The following CSMD3 variants were observed in gnomAD, a reference collection of about 807,000 sequenced individuals.
CSMD3 encodes the protein CUB and sushi domain-containing protein 3.
A neutral mutation model predicts 435.2 loss-of-function variants in CSMD3; 177 were observed. The ratio of observed to expected loss-of-function variants is 0.41; its 90% CI spans 0.36 to 0.46. The LOEUF (loss-of-function observed/expected upper bound fraction) is 0.46. Ranked by LOEUF, CSMD3 falls within the 20% of genes least tolerant of loss-of-function variation. CSMD3 has a pLI of 0.34. For synonymous variants in CSMD3, 1,656 were observed against 1,520.5 expected (o/e 1.09, Z -2.07); for missense variants, 4,265 against 4,504.6 (o/e 0.95, Z 1.52).
At chr8:112,828,777 T>G (rs978725183) in intron 12 of CSMD3, among the ~76,000 whole-genome samples, 1 of 152,118 alleles carries the variant, frequency 6.6e-6, no homozygotes, top group Non-Finnish European at 1.5e-5. Flanking sequence ...CCAAATCATG[T>G]TGATCAATGA....
chr8:113,297,860 C>A (rs1293489643), intron 2 of CSMD3, among the ~76,000 whole-genome samples: 1 of 152,072 alleles, frequency 6.6e-6, no homozygotes, highest in Non-Finnish European at 1.5e-5. Flanking sequence ...ATGCACCTGA[C>A]TGACACATTT....
At position 112,891,305 on chromosome 8, in the gene CSMD3, C is replaced by G. The variant is rs953063948; in HGVS notation, c.1633+30322G>C. ...CAAGTGATAACTCTGCACATTCAAT[C>G]TTGAGCAGCACTGCACTCTGCCATA... is the stretch of plus-strand genomic sequence containing the variant. On this transcript the variant is annotated intron_variant, in intron 10 of 70. Transcript: ENST00000297405. Among the ~76,000 whole-genome samples the G allele has an allele frequency of 6.6e-5, 10 of 151,634 alleles. No individual in the cohort carries two copies. The East Asian group carries it at 1.6e-3, about 24-fold the overall frequency.
chr8:112,472,733 T>C (rs1417597882), intron 31 of CSMD3, 26 bp from the exon 32 acceptor site: 2 of 1,299,548 alleles, frequency 1.5e-6, no homozygotes, highest in South Asian at 2.4e-5. Flanking sequence ...AAAAATATCA[T>C]TTTTAGAAAA....
chr8:112,590,006 T>C (rs548497154), intron 22 of CSMD3, among the ~76,000 whole-genome samples: 3 of 152,268 alleles, frequency 2.0e-5, no homozygotes, highest in African/African-American at 7.2e-5. Flanking sequence ...AAAAATATGT[T>C]ACAATAAAAA....
At chr8:112,450,736 A>C (rs62516472) in intron 32 of CSMD3, among the ~76,000 whole-genome samples, 27,870 of 152,128 alleles carry the variant, frequency 0.18, 3,154 homozygotes, top group Middle Eastern at 0.36. Flanking sequence ...TTTCTATCTA[A>C]ATGCCATAAG....
In CSMD3 at chr8:112,521,397, A is replaced by G. The variant is rs142940803; in HGVS notation, c.4565-4172T>C. Reference sequence around the variant, plus strand: ...AAAAACCTTTCAGCAACATTTATTAAAGCTGACTATTCCTTCCTTCTTCAA... The same window carrying G: ...AAAAACCTTTCAGCAACATTTATTAGAGCTGACTATTCCTTCCTTCTTCAA... On this transcript the variant is annotated intron_variant, in intron 27 of 70. Transcript: ENST00000297405. Among the ~76,000 whole-genome samples the G allele has an allele frequency of 3.6e-3, 544 of 152,012 alleles. 1 individual carries two copies. Among genetic ancestry groups the G allele is most frequent in the African/African-American group, 0.013 (521 of 41,520 alleles).
intron 38 of CSMD3, among the ~76,000 whole-genome samples, chr8:112,353,164 G>A (rs2131068172): frequency 6.6e-6 from 1 of 152,314 alleles, no homozygotes; most frequent in South Asian, 2.1e-4. Flanking sequence ...GCTGAGGTGG[G>A]TGGATCACCT....
chr8:112,949,552 TTCCTTTCTCAA>T (rs2083735710), intron 8 of CSMD3, among the ~76,000 whole-genome samples: 1 of 152,034 alleles, frequency 6.6e-6, no homozygotes, highest in South Asian at 2.1e-4. Flanking sequence ...TCTTTTGAAG[TTCCTTTCTCAA>T]TCTTTCAATG....
In CSMD3 at chr8:112,401,670, G is replaced by A. The variant is rs904496411; in HGVS notation, c.5809+4854C>T. Among the ~76,000 whole-genome samples the A allele has an allele frequency of 2.6e-5, 4 of 152,044 alleles. No individual in the cohort carries two copies. The East Asian group carries it at 7.7e-4, about 29-fold the overall frequency. On this transcript the variant is annotated intron_variant, in intron 35 of 70. Coordinates refer to ENST00000297405, the MANE Select transcript of CSMD3 (RefSeq NM_198123.2). ...CATTTGACCTGGAATGCATTAATTG[G>A]TGGAAATTTCACTGTCCTCCTAAAT...
intron 1 of CSMD3, among the ~76,000 whole-genome samples, chr8:113,330,666 T>C (rs1349982605): frequency 2.0e-5 from 3 of 151,782 alleles, no homozygotes; most frequent in Non-Finnish European, 4.4e-5. Context: ...TCATACCAAA[T>C]AGACAACATA....
chr8:112,833,292 T>C (rs1273223048), intron 11 of CSMD3, among the ~76,000 whole-genome samples: 5 of 152,006 alleles, frequency 3.3e-5, no homozygotes, highest in African/African-American at 1.2e-4. Context: ...AAGCCTGACT[T>C]CTCTCTTCAT....
chr8:112,502,077 G>A (rs1292327494), intron 30 of CSMD3, among the ~76,000 whole-genome samples: 6 of 152,162 alleles, frequency 3.9e-5, no homozygotes, highest in Non-Finnish European at 1.5e-5. Flanking sequence ...AGGAATATCT[G>A]AAAAATGACC....
chr8:113,156,748 A>ATAAATAAATAAATAAT (rs1554792366), intron 4 of CSMD3, among the ~76,000 whole-genome samples: 3,729 of 147,330 alleles, frequency 0.025, 79 homozygotes, highest in Middle Eastern at 0.059. Flanking sequence ...AAATAAATAA[A>ATAAATAAATAAATAAT]TAAATAAATA....
At chr8:112,730,174 G>A (rs1056234010) in intron 13 of CSMD3, among the ~76,000 whole-genome samples, 1 of 151,966 alleles carries the variant, frequency 6.6e-6, no homozygotes, top group African/African-American at 2.4e-5. Flanking sequence ...ACTAAACAAG[G>A]ATCTAGACTT....
intron 32 of CSMD3, among the ~76,000 whole-genome samples, chr8:112,434,325 A>G (rs1458899139): frequency 6.6e-6 from 1 of 152,164 alleles, no homozygotes; most frequent in Non-Finnish European, 1.5e-5. Context: ...ACAATTTACG[A>G]GGCAGAGTTG....
At chr8:113,365,123 G>A (rs184770744) in intron 1 of CSMD3, among the ~76,000 whole-genome samples, 275 of 151,954 alleles carry the variant, frequency 1.8e-3, no homozygotes, top group African/African-American at 6.1e-3. Flanking sequence ...CTTTCCTTAA[G>A]GAAAATGAGC....
At chr8:112,668,037 T>G (rs1401448939) in intron 16 of CSMD3, among the ~76,000 whole-genome samples, 2 of 152,142 alleles carry the variant, frequency 1.3e-5, no homozygotes, top group African/African-American at 4.8e-5. Flanking sequence ...TACTGTAAAA[T>G]TTCTGTTTTT....
chr8:112,884,424 G>A (rs138063863), intron 10 of CSMD3, among the ~76,000 whole-genome samples: 52 of 151,550 alleles, frequency 3.4e-4, no homozygotes, highest in African/African-American at 1.1e-3. Context: ...ATTCATGTAG[G>A]GTTTTTCGGC....
intron 27 of CSMD3, among the ~76,000 whole-genome samples, chr8:112,536,644 C>T (rs1249126654): frequency 2.6e-5 from 4 of 151,904 alleles, no homozygotes; most frequent in East Asian, 1.9e-4. Context: ...AGAAATACCA[C>T]TTGACCCAGC....
Sources: allele counts gnomAD v4.1 joint callset (sites outside exome capture counted in the v4.1 genomes callset), GRCh38; gene constraint gnomAD v4.1.1; transcripts MANE v1.5; gene names NCBI Gene and HGNC (gene_info 2026-07-23, HGNC 2026-07-21).